Variants in ARL15 observed in about 807,000 individuals in gnomAD.
ARL15 encodes the protein ARF like GTPase 15.
ARL15 carries 19 observed loss-of-function variants against 25.2 expected under a neutral mutation model. The observed-to-expected ratio is 0.75, with a 90% CI of 0.53 to 1.10. ARL15 has a LOEUF of 1.10. Ranked by LOEUF, ARL15 falls within the 50% of genes least tolerant of loss-of-function variation. The pLI is 0.00. For missense variants in ARL15, 220 were observed against 246.0 expected (o/e 0.89, Z 0.71); for synonymous variants, 94 against 86.8 (o/e 1.08, Z -0.46).
chr5:54,168,819 A>G (rs541393230), intron 2 of ARL15, among the ~76,000 whole-genome samples: 69 of 152,214 alleles, frequency 4.5e-4, no homozygotes, highest in Non-Finnish European at 7.9e-4. Context: ...TCCTCTTTTA[A>G]CTTTCATATT....
intron 1 of ARL15, among the ~76,000 whole-genome samples, chr5:54,222,769 G>A (rs1756412659): frequency 6.6e-6 from 1 of 152,066 alleles, no homozygotes; most frequent in African/African-American, 2.4e-5. Context: ...GTGAAAAATG[G>A]GAAAACTCTT....
intron 1 of ARL15, among the ~76,000 whole-genome samples, chr5:54,210,312 G>A (rs1756002864): frequency 6.6e-6 from 1 of 151,960 alleles, no homozygotes; most frequent in African/African-American, 2.4e-5. Flanking sequence ...TCTTAAGCAA[G>A]GCAAGAACAT....
chr5:53,916,952 T>C (rs1047705657), intron 4 of ARL15, among the ~76,000 whole-genome samples: 1 of 152,188 alleles, frequency 6.6e-6, no homozygotes, highest in African/African-American at 2.4e-5. Flanking sequence ...CATATATATA[T>C]GAAGGAAATC....
chr5:54,205,867 A>G (rs777150534), intron 1 of ARL15, among the ~76,000 whole-genome samples: 1 of 152,104 alleles, frequency 6.6e-6, no homozygotes, highest in Non-Finnish European at 1.5e-5. Flanking sequence ...CTTTTCCTCA[A>G]ATTCATAATT....
intron 4 of ARL15, among the ~76,000 whole-genome samples, chr5:53,987,925 A>G (rs1748348971): frequency 6.6e-6 from 1 of 151,860 alleles, no homozygotes; most frequent in Non-Finnish European, 1.5e-5. Flanking sequence ...ATGCGGTGAA[A>G]CCCCGTCTCT....
chr5:53,923,337 C>G (rs181996313), intron 4 of ARL15, among the ~76,000 whole-genome samples: 20 of 152,308 alleles, frequency 1.3e-4, no homozygotes, highest in African/African-American at 4.6e-4. Context: ...AACTTTACAT[C>G]TGCATAAAAT....
At chr5:54,246,812 A>ATG (rs1757099870) in intron 1 of ARL15, among the ~76,000 whole-genome samples, 1 of 115,202 alleles carries the variant, frequency 8.7e-6, no homozygotes, top group Admixed American at 7.9e-5. Flanking sequence ...ACACACACAC[A>ATG]CACACACACA....
At chr5:54,045,729 C>A (rs1441734377) in intron 4 of ARL15, among the ~76,000 whole-genome samples, 2 of 152,010 alleles carry the variant, frequency 1.3e-5, no homozygotes, top group Non-Finnish European at 2.9e-5. Flanking sequence ...CAGAGCTTGC[C>A]AAGGTTGTAG....
intron 1 of ARL15, among the ~76,000 whole-genome samples, chr5:54,252,751 G>T (rs548243116): frequency 1.3e-5 from 2 of 152,150 alleles, no homozygotes; most frequent in Non-Finnish European, 2.9e-5. Flanking sequence ...TGGAGACAAG[G>T]TCTCACTCTA....
chr5:54,273,588 A>G (rs1757847081), intron 1 of ARL15, among the ~76,000 whole-genome samples: 1 of 152,228 alleles, frequency 6.6e-6, no homozygotes, highest in Non-Finnish European at 1.5e-5. Context: ...GTGGCTAAGA[A>G]TGTATCAAAT....
intron 1 of ARL15, among the ~76,000 whole-genome samples, chr5:54,192,027 G>C (rs1755416860): frequency 6.6e-6 from 1 of 152,020 alleles, no homozygotes; most frequent in African/African-American, 2.4e-5. Context: ...CACTCAGTCA[G>C]TTACTCCAAG....
At chr5:54,144,746 G>T (rs1753859791) in intron 3 of ARL15, among the ~76,000 whole-genome samples, 1 of 152,036 alleles carries the variant, frequency 6.6e-6, no homozygotes. Flanking sequence ...CTCCTGTGTG[G>T]GTGGGCTTTC....
At chr5:54,028,512 A>T (rs1472628315) in intron 4 of ARL15, among the ~76,000 whole-genome samples, 3 of 20,008 alleles carry the variant, frequency 1.5e-4, no homozygotes, top group East Asian at 4.9e-3. Context: ...TTAGTAAATT[A>T]AAAAAAAAAA....
intron 4 of ARL15, among the ~76,000 whole-genome samples, chr5:54,086,429 A>G (rs1490450071): frequency 7.0e-6 from 1 of 142,850 alleles, no homozygotes; most frequent in Non-Finnish European, 1.5e-5. Context: ...AGACATTGAG[A>G]CAATGAAAAG....
chr5:54,081,737 T>C (rs1751804066), intron 4 of ARL15, among the ~76,000 whole-genome samples: 1 of 152,162 alleles, frequency 6.6e-6, no homozygotes, highest in Non-Finnish European at 1.5e-5. Flanking sequence ...TATGCTGCAC[T>C]GTGAGTCAAT....
At chr5:53,889,530 A>C (rs1744647080) in intron 4 of ARL15, among the ~76,000 whole-genome samples, 1 of 152,234 alleles carries the variant, frequency 6.6e-6, no homozygotes, top group Non-Finnish European at 1.5e-5. Context: ...TTAAGCTGAC[A>C]AATATGGCTG....
chr5:53,933,702 AC>A (rs1481988303), intron 4 of ARL15, among the ~76,000 whole-genome samples: 2 of 151,838 alleles, frequency 1.3e-5, no homozygotes, highest in Non-Finnish European at 2.9e-5. Flanking sequence ...CAGAATGAAC[AC>A]TTAAAAAGCT....
intron 1 of ARL15, among the ~76,000 whole-genome samples, chr5:54,307,031 G>C (rs1004569423): frequency 2.6e-5 from 4 of 152,198 alleles, no homozygotes; most frequent in African/African-American, 9.7e-5. Flanking sequence ...CCTATGAGAA[G>C]AAAGAGTAAG....
chr5:54,289,358 T>G (rs1357509120), intron 1 of ARL15, among the ~76,000 whole-genome samples: 10 of 143,114 alleles, frequency 7.0e-5, no homozygotes, highest in Non-Finnish European at 1.5e-4. Flanking sequence ...ACAAGTCCTA[T>G]GAAGAAAAAA....
Sources: allele counts gnomAD v4.1 joint callset (sites outside exome capture counted in the v4.1 genomes callset), GRCh38; gene constraint gnomAD v4.1.1; transcripts MANE v1.5; gene names NCBI Gene and HGNC (gene_info 2026-07-23, HGNC 2026-07-21).